Variants in PNKD observed in about 807,000 individuals in gnomAD.
PNKD encodes the protein probable thioesterase PNKD.
Under a neutral mutation model 45.3 loss-of-function variants are expected in PNKD, and 36 were observed. The observed-to-expected ratio is 0.80, with a 90% CI of 0.61 to 1.05. The LOEUF (loss-of-function observed/expected upper bound fraction) is 1.05. Among genes scored for constraint, PNKD ranks in the 50% least tolerant of loss-of-function variants. The pLI, the probability that PNKD is intolerant of heterozygous loss-of-function variation, is 0.00. For missense variants in PNKD, 511 were observed against 506.6 expected, an observed-to-expected ratio of 1.01 and a Z score of -0.08; for synonymous variants, 197 against 210.1, an observed-to-expected ratio of 0.94 and a Z score of 0.54.
At chr2:218,278,671 G>A in intron 2 of PNKD, 4 of 1,264,058 alleles carry the variant, frequency 3.2e-6, no homozygotes, top group Admixed American at 1.8e-5. Flanking sequence ...GGAAGTCTGA[G>A]GGGAAGCAAC....
chr2:218,332,277 G>A (rs1439207682), intron 2 of PNKD, among the ~76,000 whole-genome samples: 1 of 152,190 alleles, frequency 6.6e-6, no homozygotes, highest in Non-Finnish European at 1.5e-5. Flanking sequence ...GCTGGGGGCA[G>A]TGGAAGGCAA....
At chr2:218,323,449 G>C (rs1415486125) in intron 2 of PNKD, 1 of 1,535,914 alleles carries the variant, frequency 6.5e-7, no homozygotes, top group African/African-American at 1.4e-5. Context: ...CCCGGGCTCC[G>C]AAGCGTGCGG....
intron 9 of PNKD, 67 bp downstream of exon 9, chr2:218,344,637 T>C (rs936880096): frequency 1.4e-6 from 2 of 1,458,826 alleles, no homozygotes; most frequent in Non-Finnish European, 1.9e-6. Context: ...AACCCATCCA[T>C]GCTGACCCCA....
chr2:218,284,498 C>T (rs939548279), intron 2 of PNKD, among the ~76,000 whole-genome samples: 2 of 152,208 alleles, frequency 1.3e-5, no homozygotes, highest in African/African-American at 4.8e-5. Context: ...TCGGATGGGC[C>T]ACGGGGACTC....
At chr2:218,342,378 CA>C (rs1053506805) in intron 7 of PNKD, among the ~76,000 whole-genome samples, 11 of 152,154 alleles carry the variant, frequency 7.2e-5, no homozygotes, top group African/African-American at 2.7e-4. Flanking sequence ...CCAGACTGGG[CA>C]AAATAGCAAG....
At chr2:218,333,005 G>A (rs1180728751) in intron 2 of PNKD, among the ~76,000 whole-genome samples, 1 of 152,142 alleles carries the variant, frequency 6.6e-6, no homozygotes, top group Non-Finnish European at 1.5e-5. Flanking sequence ...CCGCTGGCTC[G>A]GTCTTGCAGT....
chr2:218,319,012 T>A (rs1309220391), intron 2 of PNKD, among the ~76,000 whole-genome samples: 1 of 136,258 alleles, frequency 7.3e-6, no homozygotes, highest in Non-Finnish European at 1.5e-5. Flanking sequence ...TGGAGTGCAA[T>A]GGTATGATCT....
At chr2:218,315,012 T>TTTTCTTTTTCTTTC (rs1553667686) in intron 2 of PNKD, among the ~76,000 whole-genome samples, 1 of 4,052 alleles carries the variant, frequency 2.5e-4, no homozygotes, top group African/African-American at 8.0e-4. Context: ...CTTTCTTTCT[T>TTTTCTTTTTCTTTC]TTTCTTTCTT....
intron 2 of PNKD, among the ~76,000 whole-genome samples, chr2:218,282,867 G>A (rs935886829): frequency 1.3e-5 from 2 of 152,222 alleles, no homozygotes; most frequent in African/African-American, 2.4e-5. Context: ...GCCAGCTTGA[G>A]ACAGGACTTT....
rs1694152322 is a variant in PNKD, at chr2:218,326,192, A to T, written c.237-13591A>T. On this transcript the variant is annotated intron_variant, in intron 2 of 9. Transcript: ENST00000273077. This position sits in a 1 kb window ranked among gnomAD's most constrained non-coding sequence, Gnocchi z 4.1. Reference sequence around the variant, plus strand: ...TGGGGGTGGAAAGGCAATGATGGAAACACCAGGCTCACCGGGAGGAGAGCT... The same window carrying T: ...TGGGGGTGGAAAGGCAATGATGGAATCACCAGGCTCACCGGGAGGAGAGCT... Among the ~76,000 whole-genome samples the T allele has an allele frequency of 1.3e-5, 2 of 152,088 alleles. No homozygotes were observed. Among genetic ancestry groups the T allele is most frequent in the Non-Finnish European group, 2.9e-5 (2 of 68,002 alleles).
At chr2:218,330,989 G>A (rs147433259) in intron 2 of PNKD, among the ~76,000 whole-genome samples, 1 of 152,356 alleles carries the variant, frequency 6.6e-6, no homozygotes, top group Non-Finnish European at 1.5e-5. Flanking sequence ...CTGAGGTTAG[G>A]GGAGTGAGTT....
rs574093604 is a variant in PNKD at position 218,326,449 on chromosome 2, T to C, written c.237-13334T>C. Among the ~76,000 whole-genome samples the C allele has an allele frequency of 8.5e-5, 13 of 152,154 alleles. No individual in the cohort carries two copies. The highest frequency in any genetic ancestry group is 3.1e-4 in the African/African-American group (13 of 41,424). ...GAACAAATCTGCTTTTGCATCCTAG[T>C]TTTGTTGCTTAGTAGCCATGTGACC... On this transcript the variant is annotated intron_variant, in intron 2 of 9. Transcript: ENST00000273077. This position sits in a 1 kb window ranked among gnomAD's most constrained non-coding sequence, Gnocchi z 4.1.
At chr2:218,278,516 T>G in intron 2 of PNKD, 1 of 1,614,112 alleles carries the variant, frequency 6.2e-7, no homozygotes, top group Non-Finnish European at 8.5e-7. Flanking sequence ...GGGACTCACC[T>G]GGGTCCCTGG....
intron 2 of PNKD, among the ~76,000 whole-genome samples, chr2:218,309,601 A>G (rs1693538519): frequency 6.6e-6 from 1 of 151,940 alleles, no homozygotes; most frequent in South Asian, 2.1e-4. Context: ...AATTTACCCA[A>G]AGTACTAGTT....
At chr2:218,311,457 G>C (rs899003538) in intron 2 of PNKD, among the ~76,000 whole-genome samples, 1 of 152,160 alleles carries the variant, frequency 6.6e-6, no homozygotes. Flanking sequence ...GAGTGTAGCA[G>C]GGCAACAGGT....
At position 218,341,508 on chromosome 2, in the gene PNKD, C is replaced by T. The variant is rs768778365; in HGVS notation, c.525-26C>T. 5.3e-6 allele frequency: 8 copies of T among 1,513,392 alleles called. No homozygotes were observed. The East Asian group carries it at 7.2e-5, about 14-fold the overall frequency. The allele number at this position is 1,513,392 out of a possible 1,614,324, so 93.7% of individuals were successfully genotyped here. On this transcript the variant is annotated intron_variant, in intron 5 of 9. Coordinates refer to ENST00000273077, the MANE Select transcript of PNKD (RefSeq NM_015488.5). ...TTAGGTACAGTTGCCCCTCGAAGCC[C>T]CCTGCCTGTCTCTGCTGTCCTGCAG...
intron 2 of PNKD, among the ~76,000 whole-genome samples, chr2:218,301,356 C>T (rs1279085784): frequency 3.3e-5 from 5 of 152,154 alleles, no homozygotes; most frequent in Non-Finnish European, 7.4e-5. Context: ...AGGGCCTGCA[C>T]TCAGTACTTT....
rs1320868051 is a variant in PNKD, at chr2:218,276,857, T to G, written c.236+5308T>G. 4 of 668,792 alleles carry G rather than the reference T, an allele frequency of 6.0e-6. No homozygotes were observed. In the East Asian group the frequency reaches 1.1e-4, roughly 18 times the overall value. 41.4% of individuals were successfully genotyped at this position (668,792 alleles called of 1,614,324 possible). A position where few individuals can be genotyped will look rare whatever the true frequency, so the allele number is the denominator to read the frequency against. ...TACCCTCACCCAGAAGGATGCTGCC[T>G]CCACGTTGGTGCCTTTGCTAGCCAG... On this transcript the variant is annotated intron_variant, in intron 2 of 9. Transcript: ENST00000273077.
At chr2:218,322,587 C>G (rs1033385622) in intron 2 of PNKD, among the ~76,000 whole-genome samples, 5 of 152,178 alleles carry the variant, frequency 3.3e-5, no homozygotes, top group Admixed American at 3.3e-4. Flanking sequence ...GCTGGGGAGG[C>G]CCTCCCCCAT....
Sources: gnomAD v4.1 joint callset for allele counts (sites outside exome capture counted in the v4.1 genomes callset) on GRCh38, gnomAD v4.1.1 for gene constraint, Gnocchi (gnomAD v3.1) non-coding constraint, MANE v1.5 for transcripts, NCBI Gene and HGNC (gene_info 2026-07-23, HGNC 2026-07-21) for gene names.